MACF1: variants seen among roughly 807,000 people sequenced by gnomAD.
The protein encoded by MACF1 is microtubule-actin cross-linking factor 1.
Under a neutral mutation model 854.8 loss-of-function variants are expected in MACF1, and 193 were observed. The ratio of observed to expected loss-of-function variants is 0.23; its 90% CI spans 0.20 to 0.25. MACF1 has a LOEUF of 0.25. Ranked by LOEUF, MACF1 falls within the 10% of genes least tolerant of loss-of-function variation. MACF1 has a pLI of 1.00. For synonymous variants in MACF1, 3,185 were observed against 3,226.7 expected, an observed-to-expected ratio of 0.99 and a Z score of 0.44; for missense variants, 7,722 against 8,929.1, an observed-to-expected ratio of 0.86 and a Z score of 5.45.
intron 97 of MACF1, among the ~76,000 whole-genome samples, chr1:39,474,604 G>A (rs1183650121): frequency 6.6e-6 from 1 of 152,142 alleles, no homozygotes; most frequent in Non-Finnish European, 1.5e-5. Flanking sequence ...TGAGGCAGCA[G>A]AATCACTTGA....
At chr1:39,324,129 CTGAAGTCG>C in intron 33 of MACF1, 56 bp from the exon 34 acceptor site, 1 of 1,481,432 alleles carries the variant, frequency 6.8e-7, no homozygotes, top group East Asian at 2.3e-5. Flanking sequence ...TTAAGAAAAT[CTGAAGTCG>C]TGCCAGCCTA....
intron 20 of MACF1, 87 bp from the exon 21 acceptor site, chr1:39,297,533 C>T: frequency 2.0e-6 from 3 of 1,525,918 alleles, no homozygotes; most frequent in Non-Finnish European, 2.7e-6. Context: ...TTGCTAAGCT[C>T]TGCACAGTAA....
chr1:39,237,032 T>TAG (rs937476741), intron 2 of MACF1, among the ~76,000 whole-genome samples: 70 of 152,368 alleles, frequency 4.6e-4, no homozygotes, highest in African/African-American at 1.4e-3. Flanking sequence ...TTTCCTGATG[T>TAG]AGAGCACTTT....
At chr1:39,408,667 G>A (rs1474286349) in intron 58 of MACF1, among the ~76,000 whole-genome samples, 3 of 152,148 alleles carry the variant, frequency 2.0e-5, no homozygotes, top group Non-Finnish European at 2.9e-5. Context: ...GCCAGCGGGA[G>A]GAGGGCGGGG....
intron 2 of MACF1, among the ~76,000 whole-genome samples, chr1:39,125,978 G>C (rs1273728401): frequency 6.6e-6 from 1 of 152,164 alleles, no homozygotes; most frequent in Non-Finnish European, 1.5e-5. Context: ...GGGCGACAGC[G>C]CAAGACTCTG....
intron 87 of MACF1, 24 bp from the exon 88 acceptor site, chr1:39,453,683 T>C (rs1185506441): frequency 6.2e-7 from 1 of 1,612,370 alleles, no homozygotes; most frequent in East Asian, 2.2e-5. Context: ...TTTACGTTTT[T>C]GTTTTCAAAT....
In MACF1 at chr1:39,360,784, A is replaced by AT; in HGVS notation, c.12245-4dup. On this transcript the variant is annotated splice_polypyrimidine_tract_variant and intron_variant, in intron 47 of 100. Transcript: ENST00000564288. ...CTCCACTCTTTCTTTTCATGGCCTG[A>AT]TTTTTCAGATTCCATACTCAGCCAC... is the stretch of plus-strand genomic sequence containing the variant. 1 of 1,584,010 alleles carries AT rather than the reference A, an allele frequency of 6.3e-7. No individual in the cohort carries two copies. The highest frequency in any genetic ancestry group is 1.3e-5 in the African/African-American group (1 of 74,198).
chr1:39,389,480 C>T (rs1359466999), intron 58 of MACF1, among the ~76,000 whole-genome samples: 2 of 151,322 alleles, frequency 1.3e-5, no homozygotes, highest in African/African-American at 4.9e-5. Context: ...CTGCCTCAGC[C>T]TCCCAAGTAG....
chr1:39,157,365 A>G (rs1280522612), intron 2 of MACF1, among the ~76,000 whole-genome samples: 2 of 152,136 alleles, frequency 1.3e-5, no homozygotes, highest in Non-Finnish European at 2.9e-5. Context: ...TGCTACTTAC[A>G]CAGTTTCTCC....
At chr1:39,137,435 A>G (rs1643206277) in intron 2 of MACF1, among the ~76,000 whole-genome samples, 2 of 152,202 alleles carry the variant, frequency 1.3e-5, no homozygotes, top group South Asian at 4.1e-4. Flanking sequence ...TGGCACAATC[A>G]TAGCTCACTG....
rs1343735059 is a variant in MACF1 at position 39,322,619 on chromosome 1, G to A, written c.4041G>A (p.Leu1347=). The change falls in exon 32 of 101, where the codon TTG becomes TTA. Residue 1347 remains leucine (L), a synonymous_variant. Coordinates refer to ENST00000564288, the MANE Select transcript of MACF1 (RefSeq NM_001394062.1). Reference sequence around the variant, plus strand: ...TCATCCTTTCCTAGGACTATGAATTGCAACTGATGACATACAAGGCCTTTG... The same window carrying A: ...TCATCCTTTCCTAGGACTATGAATTACAACTGATGACATACAAGGCCTTTG... The part of the protein sequence containing the change: ...QYSTIVKDYE[L]QLMTYKAFVE... 6.2e-7 allele frequency: 1 copy of A among 1,613,604 alleles called. No homozygotes were observed. The highest frequency in any genetic ancestry group is 8.5e-7 in the Non-Finnish European group (1 of 1,179,526).
chr1:39,428,407 AAGTGCAT>A (rs1643792952), intron 63 of MACF1, 120 bp downstream of exon 63: 13 of 967,980 alleles, frequency 1.3e-5, no homozygotes, highest in Non-Finnish European at 2.0e-5. Context: ...TTTTATACAC[AAGTGCAT>A]AGTTAGTGGA....
intron 23 of MACF1, among the ~76,000 whole-genome samples, chr1:39,303,423 C>T (rs1404738793): frequency 1.3e-5 from 2 of 151,978 alleles, no homozygotes; most frequent in African/African-American, 2.4e-5. Flanking sequence ...TGGTGGTGCA[C>T]GCCTGTAGTC....
chr1:39,138,453 C>T (rs901370884), intron 2 of MACF1, among the ~76,000 whole-genome samples: 8 of 151,402 alleles, frequency 5.3e-5, no homozygotes, highest in Admixed American at 1.3e-4. Flanking sequence ...GGCATGGTGG[C>T]GGGTGCCTGT....
chr1:39,362,816 G>C (rs1648320695), intron 49 of MACF1, among the ~76,000 whole-genome samples: 1 of 152,082 alleles, frequency 6.6e-6, no homozygotes, highest in Non-Finnish European at 1.5e-5. Context: ...TTAATAGATA[G>C]TGTTAGGAAA....
At chr1:39,245,748 C>A (rs1326469155) in intron 2 of MACF1, among the ~76,000 whole-genome samples, 1 of 152,124 alleles carries the variant, frequency 6.6e-6, no homozygotes, top group African/African-American at 2.4e-5. Context: ...TTTATTCATT[C>A]ATTTATTTAT....
Position 39,406,756 on chromosome 1 carries a change from A to AAAAAAAAAAAAAAAAAAAAAAAAC in MACF1, c.15817-15616_15817-15615insAAAAAAAAAAAAAAAAAAAAACAA, listed in dbSNP as rs746955922. ...TCTCACTCAAAAAAAAAAAAAAAAA[A>AAAAAAAAAAAAAAAAAAAAAAAAC]AACATTCTTTATAATAGAATAACCA... On this transcript the variant is annotated intron_variant, in intron 58 of 100. Transcript: ENST00000564288. 8.2e-4 allele frequency among the ~76,000 whole-genome samples: 95 copies of AAAAAAAAAAAAAAAAAAAAAAAAC among 116,058 alleles called. 17 individuals are homozygous for AAAAAAAAAAAAAAAAAAAAAAAAC. Among genetic ancestry groups the AAAAAAAAAAAAAAAAAAAAAAAAC allele is most frequent in the African/African-American group, 1.7e-3 (45 of 26,078 alleles). The allele number at this position is 116,058 out of a possible 152,430, so 76.1% of individuals were successfully genotyped here. A position where few individuals can be genotyped will look rare whatever the true frequency, so the allele number is the denominator to read the frequency against.
intron 2 of MACF1, 130 bp from the exon 3 acceptor site, chr1:39,249,884 T>G: frequency 3.8e-6 from 2 of 530,518 alleles, no homozygotes; most frequent in South Asian, 5.5e-5. Context: ...TTCCTGAATT[T>G]TATTATTTAA....
intron 49 of MACF1, among the ~76,000 whole-genome samples, chr1:39,362,297 A>G (rs1035319888): frequency 6.6e-6 from 1 of 152,200 alleles, no homozygotes; most frequent in Non-Finnish European, 1.5e-5. Context: ...GTATCTCTGC[A>G]TTGCTGCCTT....
Sources: allele counts gnomAD v4.1 joint callset (sites outside exome capture counted in the v4.1 genomes callset), GRCh38; gene constraint gnomAD v4.1.1; transcripts MANE v1.5; gene names NCBI Gene and HGNC (gene_info 2026-07-23, HGNC 2026-07-21).